RBM19: variants seen among roughly 807,000 people sequenced by gnomAD.
The protein encoded by RBM19 is RNA binding motif protein 19.
Under a neutral mutation model 116.8 loss-of-function variants are expected in RBM19, and 94 were observed. That is an observed-to-expected ratio of 0.80 (90% CI 0.68 to 0.95). RBM19 has a LOEUF of 0.95. RBM19 is among the 40% of genes least tolerant of loss of function. The pLI is 0.00. For synonymous variants in RBM19, 475 were observed against 494.1 expected, an observed-to-expected ratio of 0.96 and a Z score of 0.51; for missense variants, 1,161 against 1,220.7, an observed-to-expected ratio of 0.95 and a Z score of 0.73.
chr12:113,896,923 A>G (rs1256822196), intron 21 of RBM19, among the ~76,000 whole-genome samples: 1 of 152,232 alleles, frequency 6.6e-6, no homozygotes, highest in Non-Finnish European at 1.5e-5. Flanking sequence ...AGTTAGGGCT[A>G]AACAACTTGA....
chr12:113,888,271 T>G (rs1190414681), intron 21 of RBM19, among the ~76,000 whole-genome samples: 3 of 152,210 alleles, frequency 2.0e-5, no homozygotes, highest in Non-Finnish European at 2.9e-5. Context: ...ATAACCAATC[T>G]GTTTAATGAC....
At chr12:113,952,358 C>T (rs1017008651) in intron 8 of RBM19, among the ~76,000 whole-genome samples, 154 bp downstream of exon 8, 8 of 152,204 alleles carry the variant, frequency 5.3e-5, no homozygotes, top group African/African-American at 1.7e-4. Context: ...GAGATGCAGC[C>T]TTAACCTGCC....
chr12:113,897,533 C>T (rs1881418380), intron 21 of RBM19, among the ~76,000 whole-genome samples: 1 of 152,194 alleles, frequency 6.6e-6, no homozygotes, highest in Admixed American at 6.5e-5. Context: ...CCAATCTAGC[C>T]AGGTGTGGTG....
At chr12:113,885,848 T>C (rs1209042981) in intron 21 of RBM19, among the ~76,000 whole-genome samples, 1 of 151,752 alleles carries the variant, frequency 6.6e-6, no homozygotes, top group African/African-American at 2.4e-5. Flanking sequence ...TGCTTTTATA[T>C]TGCTCCTCTC....
intron 22 of RBM19, among the ~76,000 whole-genome samples, chr12:113,854,384 T>C (rs1877711719): frequency 1.3e-5 from 2 of 152,114 alleles, no homozygotes; most frequent in African/African-American, 4.8e-5. Context: ...GCACACGGTG[T>C]AGACCCAGGC....
intron 19 of RBM19, 135 bp downstream of exon 19, chr12:113,920,476 G>C: frequency 2.5e-6 from 2 of 802,170 alleles, no homozygotes; most frequent in Non-Finnish European, 4.2e-6. Context: ...CAGTCCCGTA[G>C]AGATCTGGGA....
chr12:113,871,525 G>C (rs1435400431), intron 21 of RBM19, among the ~76,000 whole-genome samples: 1 of 152,206 alleles, frequency 6.6e-6, no homozygotes, highest in South Asian at 2.1e-4. Context: ...GCGTGAAAGC[G>C]GCCCCTGATG....
At chr12:113,926,419 A>G (rs1240792422) in intron 17 of RBM19, among the ~76,000 whole-genome samples, 1 of 152,142 alleles carries the variant, frequency 6.6e-6, no homozygotes, top group African/African-American at 2.4e-5. Context: ...CCCAGACTCT[A>G]GAAATAAACA....
chr12:113,849,088 C>T (rs972818454), intron 22 of RBM19, among the ~76,000 whole-genome samples: 2 of 152,224 alleles, frequency 1.3e-5, no homozygotes, highest in Admixed American at 6.5e-5. Context: ...TCTCTGGCCC[C>T]TTACACAGAC....
chr12:113,826,008 C>T (rs919758644), intron 23 of RBM19, among the ~76,000 whole-genome samples: 2 of 152,196 alleles, frequency 1.3e-5, no homozygotes, highest in African/African-American at 4.8e-5. Flanking sequence ...CTGCTTCCCT[C>T]CCACTCTGCT....
chr12:113,899,299 G>A (rs934352152), intron 21 of RBM19, among the ~76,000 whole-genome samples: 7 of 152,212 alleles, frequency 4.6e-5, no homozygotes, highest in African/African-American at 1.2e-4. Flanking sequence ...CGCAGCCCGA[G>A]TGTATTACTG....
intron 21 of RBM19, among the ~76,000 whole-genome samples, chr12:113,878,708 CA>C (rs1276363355): frequency 3.3e-5 from 5 of 150,290 alleles, no homozygotes; most frequent in Middle Eastern, 3.4e-3. Context: ...ACGGGGATGG[CA>C]GGAAAGCCGC....
At position 113,924,815 on chromosome 12, in the gene RBM19, C is replaced by T. The variant is rs573359204; in HGVS notation, c.2245-58G>A. The T allele has an allele frequency of 1.3e-4, 193 of 1,437,780 alleles. 1 individual carries two copies. Among genetic ancestry groups the T allele is most frequent in the Admixed American group, 1.3e-3 (75 of 59,734 alleles). The allele number at this position is 1,437,780 out of a possible 1,614,324, so 89.1% of individuals were successfully genotyped here. A position where few individuals can be genotyped will look rare whatever the true frequency, so the allele number is the denominator to read the frequency against. On this transcript the variant is annotated intron_variant, in intron 17 of 23. Transcript: ENST00000261741. ...CTCTAAACCACTATGCAGGCAAGGG[C>T]ACCTGTCAAACACTATACCCCCAAA... is the stretch of plus-strand genomic sequence containing the variant.
At chr12:113,857,356 T>C (rs1187538535) in intron 22 of RBM19, among the ~76,000 whole-genome samples, 1 of 152,192 alleles carries the variant, frequency 6.6e-6, no homozygotes, top group Non-Finnish European at 1.5e-5. Flanking sequence ...CTCCCATGCA[T>C]CACCTGCCCT....
chr12:113,834,907 C>G (rs557997407), intron 23 of RBM19, among the ~76,000 whole-genome samples: 1 of 152,204 alleles, frequency 6.6e-6, no homozygotes, highest in African/African-American at 2.4e-5. Flanking sequence ...GACTGAGTTA[C>G]GTAAAACCAC....
At chr12:113,865,603 C>A (rs1252808273) in intron 21 of RBM19, among the ~76,000 whole-genome samples, 2 of 152,174 alleles carry the variant, frequency 1.3e-5, no homozygotes, top group Non-Finnish European at 2.9e-5. Flanking sequence ...TCCCCGAGTG[C>A]CAGGTCCCTA....
Position 113,955,166 on chromosome 12 carries a change from C to CGGT in RBM19, c.883_885dup (p.Thr295dup), listed in dbSNP as rs55840068. The CGGT allele has an allele frequency of 0.052, 83,446 of 1,614,054 alleles. 2,502 individuals carry two copies. The highest frequency in any genetic ancestry group is 0.061 in the Non-Finnish European group (72,267 of 1,179,918). On this transcript the variant is annotated inframe_insertion, in exon 7 of 24. Transcript: ENST00000261741. ...TTGAACGGGGCTCCCCGCAGCTTCA[C>CGGT]GGTGTGGCAGGTGGTGGGTTCCTTC...
At chr12:113,826,858 C>T (rs926933815) in intron 23 of RBM19, among the ~76,000 whole-genome samples, 4 of 152,166 alleles carry the variant, frequency 2.6e-5, no homozygotes, top group East Asian at 1.9e-4. Flanking sequence ...GGCTCTTACG[C>T]GGAGCCTGGC....
chr12:113,916,284 G>A (rs1338461251), intron 20 of RBM19, among the ~76,000 whole-genome samples: 1 of 152,190 alleles, frequency 6.6e-6, no homozygotes, highest in Non-Finnish European at 1.5e-5. Context: ...GCAGGCGCCT[G>A]TAATCCCAGT....
Sources: gnomAD v4.1 joint callset for allele counts (sites outside exome capture counted in the v4.1 genomes callset) on GRCh38, gnomAD v4.1.1 for gene constraint, MANE v1.5 for transcripts, NCBI Gene and HGNC (gene_info 2026-07-23, HGNC 2026-07-21) for gene names.